Variants in ALDH1L1 observed in about 807,000 individuals in gnomAD.
The protein encoded by ALDH1L1 is cytosolic 10-formyltetrahydrofolate dehydrogenase.
In ALDH1L1, 68 loss-of-function variants were observed where a neutral mutation model predicts 101.1. That is an observed-to-expected ratio of 0.67 (90% CI 0.55 to 0.82). ALDH1L1 has a LOEUF of 0.82. ALDH1L1 is among the 40% of genes least tolerant of loss of function. The probability of loss-of-function intolerance (pLI) is 0.00; values close to 1 mark genes in which losing one functional copy is unlikely to be tolerated. For missense variants in ALDH1L1, 1,087 were observed against 1,172.7 expected, an observed-to-expected ratio of 0.93 and a Z score of 1.07; for synonymous variants, 486 against 470.8, an observed-to-expected ratio of 1.03 and a Z score of -0.42.
At chr3:126,116,419 T>G (rs1301340270) in intron 17 of ALDH1L1, among the ~76,000 whole-genome samples, 1 of 151,982 alleles carries the variant, frequency 6.6e-6, no homozygotes, top group Non-Finnish European at 1.5e-5. Flanking sequence ...AACTACATAT[T>G]GATGGTAAAA....
At chr3:126,182,159 T>A (rs1426725828), upstream of ALDH1L1, among the ~76,000 whole-genome samples, 1 of 147,770 alleles carries the variant, frequency 6.8e-6, no homozygotes, top group Non-Finnish European at 1.5e-5. Flanking sequence ...TTATTTATTT[T>A]TTTTTGAGGT....
At chr3:126,161,032 A>G (rs778810895) in intron 1 of ALDH1L1, 30 bp from the exon 2 acceptor site, 3 of 1,609,934 alleles carry the variant, frequency 1.9e-6, no homozygotes, top group Non-Finnish European at 2.5e-6. Context: ...GCAATTAGAC[A>G]GAGATCGCTG....
Position 126,135,641 on chromosome 3 carries a change from C to T in ALDH1L1, c.1366G>A (p.Ala456Thr). The T allele has an allele frequency of 6.4e-7, 1 of 1,571,630 alleles. No individual in the cohort carries two copies. Residue 456 changes from alanine (A) to threonine (T), a missense_variant, in exon 12 of 23, where the codon GCC (alanine) becomes ACC (threonine). By Grantham distance (58) the Ala-to-Thr change is moderately conservative. Transcript: ENST00000393434. ...DGSVICQVSL[A>T]QVTDVDKAVA... Reference sequence around the variant, plus strand: ...GCCTTGTCGACGTCGGTGACTTGGGCCAGGGATACCTGGCAGATGACCTAT... The same window carrying T: ...GCCTTGTCGACGTCGGTGACTTGGGTCAGGGATACCTGGCAGATGACCTAT...
intron 12 of ALDH1L1, among the ~76,000 whole-genome samples, chr3:126,133,751 G>A (rs1464297061): frequency 6.6e-6 from 1 of 152,222 alleles, no homozygotes; most frequent in Non-Finnish European, 1.5e-5. Flanking sequence ...AAGGTCTGCA[G>A]GGCAGATGCA....
At chr3:126,148,631 G>A (rs74576036) in intron 8 of ALDH1L1, among the ~76,000 whole-genome samples, 130 of 152,264 alleles carry the variant, frequency 8.5e-4, no homozygotes, top group African/African-American at 3.0e-3. Flanking sequence ...CTTGAGCCCA[G>A]CCCTCCAGAG....
At chr3:126,148,067 G>A (rs1414683763) in intron 8 of ALDH1L1, among the ~76,000 whole-genome samples, 4 of 152,090 alleles carry the variant, frequency 2.6e-5, no homozygotes, top group Admixed American at 2.0e-4. Context: ...AGACCACACC[G>A]CTTGGGGCCA....
At chr3:126,104,946 A>G (rs114149680) in intron 22 of ALDH1L1, 1,606 of 154,208 alleles carry the variant, frequency 0.01, 20 homozygotes, top group African/African-American at 0.035. Flanking sequence ...CTTGCCCATC[A>G]GACCTGTCTA....
At chr3:126,149,233 A>G (rs751594856) in intron 8 of ALDH1L1, among the ~76,000 whole-genome samples, 1 of 152,210 alleles carries the variant, frequency 6.6e-6, no homozygotes, top group Non-Finnish European at 1.5e-5. Flanking sequence ...CGTATTGCCG[A>G]TGTGTACTGA....
At chr3:126,125,476 T>C (rs775683469) in intron 15 of ALDH1L1, 140 bp downstream of exon 15, 3 of 535,176 alleles carry the variant, frequency 5.6e-6, no homozygotes, top group Non-Finnish European at 8.9e-6. Context: ...GTGGGGCCCA[T>C]GGAGGGCAGC....
chr3:126,120,083 C>A lies in ALDH1L1; in HGVS notation c.1889-1985G>T, dbSNP rs563315862. ...GACAGTTTAGCAGTCAGTTTAAAAA[C>A]CAAATGCACTGTTACCATATGATCC... is the stretch of plus-strand genomic sequence containing the variant. On this transcript the variant is annotated intron_variant, in intron 16 of 22. Transcript: ENST00000393434. Among the ~76,000 whole-genome samples, 3 of 152,332 alleles carry A rather than the reference C, an allele frequency of 2.0e-5. No individual in the cohort carries two copies. The South Asian group carries it at 6.2e-4, about 32-fold the overall frequency.
At position 126,103,839 on chromosome 3, in the gene ALDH1L1, C is replaced by T. The variant is rs202225874; in HGVS notation, c.2661G>A (p.Ala887=). The T allele has an allele frequency of 2.1e-5, 34 of 1,613,542 alleles. No individual in the cohort carries two copies. In the African/African-American group the frequency reaches 4.0e-4, roughly 19 times the overall value. Residue 887 remains alanine (A), a synonymous_variant, in exon 23 of 23, where the codon GCG becomes GCA. Transcript: ENST00000393434. ...QSGFGKDLGE[A]ALNEYLRVKT... The stretch of plus-strand genomic sequence containing the variant: ...TGACCCGCAGGTACTCGTTCAGAGC[C>T]GCCTCTCCTGTAAGACACCACAAAG...
At chr3:126,189,884 AT>A (rs2081542446) in intron 1 of ALDH1L1, among the ~76,000 whole-genome samples, 5 of 152,188 alleles carry the variant, frequency 3.3e-5, no homozygotes, top group Admixed American at 2.0e-4. Context: ...GGCCAAGGCA[AT>A]CCAATTGATT....
intron 16 of ALDH1L1, among the ~76,000 whole-genome samples, chr3:126,118,787 A>T (rs1468247010): frequency 6.6e-6 from 1 of 152,112 alleles, no homozygotes; most frequent in African/African-American, 2.4e-5. Flanking sequence ...ACCCGCCCTC[A>T]GGTGAGCCAG....
rs753431278 is a variant in ALDH1L1 at position 126,155,495 on chromosome 3, G to A, written c.537C>T (p.Ala179=). The change falls in exon 5 of 23, where the codon GCC becomes GCT. Residue 179 remains alanine, a synonymous_variant. Coordinates refer to ENST00000393434, the MANE Select transcript of ALDH1L1 (RefSeq NM_012190.4). ...FPEGIKGMVQ[A]VRLIAEGKAP... is the part of the protein sequence containing the mutation. ...CTTTGCCCTCAGCGATCAGCCTCAC[G>A]GCCTGCACCTGGGGAGATCCAGTGG... is the stretch of plus-strand genomic sequence containing the variant. The A allele has an allele frequency of 3.4e-5, 55 of 1,611,472 alleles. No homozygotes were observed. Among genetic ancestry groups the A allele is most frequent in the African/African-American group, 2.1e-4 (16 of 74,864 alleles).
At chr3:126,122,797 GAAAAT>G (rs1236575427) in intron 16 of ALDH1L1, among the ~76,000 whole-genome samples, 3 of 151,892 alleles carry the variant, frequency 2.0e-5, no homozygotes, top group Non-Finnish European at 4.4e-5. Context: ...TAACCACTAA[GAAAAT>G]AACTAAAAAT....
At chr3:126,115,531 T>G (rs1478095717) in intron 17 of ALDH1L1, 1 of 153,448 alleles carries the variant, frequency 6.5e-6, no homozygotes, top group African/African-American at 2.4e-5. Flanking sequence ...ATATTTGAGG[T>G]TCATAGCATG....
intron 9 of ALDH1L1, among the ~76,000 whole-genome samples, chr3:126,145,086 A>T (rs145775601): frequency 6.6e-6 from 1 of 152,366 alleles, no homozygotes; most frequent in Non-Finnish European, 1.5e-5. Flanking sequence ...GATGCTCAAC[A>T]TCACTAATCA....
At chr3:126,150,615 T>G in intron 7 of ALDH1L1, 84 bp from the exon 8 acceptor site, 1 of 1,446,716 alleles carries the variant, frequency 6.9e-7, no homozygotes, top group South Asian at 1.3e-5. Flanking sequence ...AGTGCAGTGG[T>G]GCGATCTCGG....
chr3:126,127,816 T>G (rs1447989965), intron 14 of ALDH1L1, among the ~76,000 whole-genome samples: 1 of 152,144 alleles, frequency 6.6e-6, no homozygotes, highest in East Asian at 1.9e-4. Flanking sequence ...CATTCTGCAG[T>G]ATTTATGGGA....
Sources: allele counts gnomAD v4.1 joint callset (sites outside exome capture counted in the v4.1 genomes callset), GRCh38; gene constraint gnomAD v4.1.1; transcripts MANE v1.5; gene names NCBI Gene and HGNC (gene_info 2026-07-23, HGNC 2026-07-21).